Variants in NDRG3 observed in about 807,000 individuals in gnomAD.
NDRG3 encodes NDRG family member 3.
In NDRG3, 23 loss-of-function variants were observed where a neutral mutation model predicts 57.2. That is an observed-to-expected ratio of 0.40 (90% CI 0.29 to 0.57). NDRG3 has a LOEUF of 0.57. Among genes scored for constraint, NDRG3 ranks in the 20% least tolerant of loss-of-function variants. The probability of loss-of-function intolerance (pLI) is 0.42; values close to 1 mark genes in which losing one functional copy is unlikely to be tolerated. For missense variants in NDRG3, 384 were observed against 457.3 expected, an observed-to-expected ratio of 0.84 and a Z score of 1.46; for synonymous variants, 132 against 162.6, an observed-to-expected ratio of 0.81 and a Z score of 1.43.
intron 9 of NDRG3, 141 bp downstream of exon 9, chr20:36,671,200 C>A (rs1980120409): frequency 1.5e-6 from 1 of 672,700 alleles, no homozygotes; most frequent in Non-Finnish European, 2.6e-6. Flanking sequence ...CTTTGCAGGG[C>A]CACATGCCTT....
intron 2 of NDRG3, among the ~76,000 whole-genome samples, chr20:36,719,383 C>T (rs574952188): frequency 2.7e-5 from 4 of 147,830 alleles, no homozygotes; most frequent in Non-Finnish European, 4.4e-5. Context: ...GCCAAGATCA[C>T]GCCACTGCAC....
At chr20:36,678,536 C>G (rs145797258) in intron 8 of NDRG3, among the ~76,000 whole-genome samples, 8 of 152,190 alleles carry the variant, frequency 5.3e-5, no homozygotes, top group Admixed American at 5.2e-4. Context: ...CAAAAATGAG[C>G]CAGGCATGGT....
At chr20:36,655,531 C>T (rs1334536030) in intron 15 of NDRG3, among the ~76,000 whole-genome samples, 1 of 152,256 alleles carries the variant, frequency 6.6e-6, no homozygotes, top group Non-Finnish European at 1.5e-5. Context: ...CTAAAACACT[C>T]TCCAAGTTCG....
intron 2 of NDRG3, among the ~76,000 whole-genome samples, chr20:36,710,818 A>G (rs892424693): frequency 3.3e-5 from 5 of 151,002 alleles, no homozygotes; most frequent in Admixed American, 6.6e-5. Context: ...GTCTCAAAAA[A>G]AAAAAAAAAA....
At chr20:36,730,397 A>G (rs533749408) in intron 1 of NDRG3, among the ~76,000 whole-genome samples, 1 of 152,134 alleles carries the variant, frequency 6.6e-6, no homozygotes, top group South Asian at 2.1e-4. Flanking sequence ...TAAGGACTAC[A>G]GACATATACC....
intron 8 of NDRG3, among the ~76,000 whole-genome samples, 166 bp from the exon 9 acceptor site, chr20:36,671,563 G>T (rs1245361084): frequency 3.9e-5 from 6 of 152,190 alleles, no homozygotes; most frequent in Non-Finnish European, 8.8e-5. Flanking sequence ...AGGACTTTGG[G>T]AGGCTGAGGC....
Position 36,746,079 on chromosome 20 carries a change from A to AGCGGCAGCAGCG in NDRG3, c.-84_-83insCGCTGCTGCCGC, listed in dbSNP as rs1555809913. On this transcript the variant is annotated 5_prime_UTR_variant, in exon 1 of 16. Transcript: ENST00000349004. ...GGGCACCCGCCGTCAGTGCAGCAGC[A>AGCGGCAGCAGCG]GCGGCGGCGGCGGCGGCGGCGGCGG... is the stretch of plus-strand genomic sequence containing the variant. 4.1e-6 allele frequency: 1 copy of AGCGGCAGCAGCG among 244,590 alleles called. No individual in the cohort carries two copies. Among genetic ancestry groups the AGCGGCAGCAGCG allele is most frequent in the African/African-American group, 2.3e-5 (1 of 42,640 alleles). 15.2% of individuals were successfully genotyped at this position (244,590 alleles called of 1,614,324 possible). A position where few individuals can be genotyped will look rare whatever the true frequency, so the allele number is the denominator to read the frequency against.
intron 8 of NDRG3, among the ~76,000 whole-genome samples, chr20:36,676,460 T>G (rs1232681337): frequency 1.3e-5 from 2 of 151,824 alleles, no homozygotes; most frequent in African/African-American, 2.4e-5. Context: ...TTTGTTTGTT[T>G]TTTGTTTTGT....
At chr20:36,657,235 C>T (rs1029242576) in intron 13 of NDRG3, among the ~76,000 whole-genome samples, 2 of 151,954 alleles carry the variant, frequency 1.3e-5, no homozygotes, top group Non-Finnish European at 2.9e-5. Context: ...ACCTGTAATC[C>T]CAGCACCTTG....
At chr20:36,670,265 G>GT (rs1291686206) in intron 9 of NDRG3, among the ~76,000 whole-genome samples, 2 of 151,998 alleles carry the variant, frequency 1.3e-5, no homozygotes, top group South Asian at 2.1e-4. Flanking sequence ...GCATTACACT[G>GT]TAAGTATTAC....
At chr20:36,693,309 G>A (rs555952200) in intron 3 of NDRG3, among the ~76,000 whole-genome samples, 3 of 149,072 alleles carry the variant, frequency 2.0e-5, no homozygotes, top group Admixed American at 6.8e-5. Flanking sequence ...AGAGATGTAC[G>A]GGTGACCCTC....
intron 8 of NDRG3, among the ~76,000 whole-genome samples, chr20:36,673,392 T>A (rs995136230): frequency 3.3e-5 from 5 of 151,848 alleles, no homozygotes; most frequent in Admixed American, 2.6e-4. Context: ...ACAAAAGACA[T>A]CATTTGTTTG....
chr20:36,731,578 C>T lies in NDRG3; in HGVS notation c.-48-9795G>A, dbSNP rs369391812. On this transcript the variant is annotated intron_variant, in intron 1 of 15. Coordinates refer to ENST00000349004, the MANE Select transcript of NDRG3 (RefSeq NM_032013.4). ...ATCCCAGCACTTTGGGAGGCCGAGG[C>T]GAGTGGATCACAAGGTCAGGAGATC... is the stretch of plus-strand genomic sequence containing the variant. 5.3e-5 allele frequency among the ~76,000 whole-genome samples: 8 copies of T among 150,932 alleles called. No homozygotes were observed. In the South Asian group the frequency reaches 8.4e-4, roughly 16 times the overall value.
intron 3 of NDRG3, among the ~76,000 whole-genome samples, chr20:36,692,058 G>C (rs138567125): frequency 6.6e-6 from 1 of 152,204 alleles, no homozygotes; most frequent in Admixed American, 6.5e-5. Flanking sequence ...CGATAGAAAA[G>C]TAAGAAGACA....
At chr20:36,727,351 CTGGGATTA>C (rs942199859) in intron 1 of NDRG3, among the ~76,000 whole-genome samples, 8 of 151,962 alleles carry the variant, frequency 5.3e-5, no homozygotes, top group Non-Finnish European at 4.4e-5. Flanking sequence ...TCCCGAGTAG[CTGGGATTA>C]CAGGCATCTG....
intron 8 of NDRG3, 60 bp downstream of exon 8, chr20:36,680,756 T>G (rs901114011): frequency 8.2e-6 from 11 of 1,346,934 alleles, no homozygotes; most frequent in Non-Finnish European, 1.2e-5. Flanking sequence ...AATGAAAAAC[T>G]GGTAAGCTGT....
At chr20:36,698,461 G>T (rs1278248230) in intron 3 of NDRG3, among the ~76,000 whole-genome samples, 1 of 151,968 alleles carries the variant, frequency 6.6e-6, no homozygotes, top group Non-Finnish European at 1.5e-5. Context: ...GCCTGGTGGT[G>T]CATGCCTGTG....
At chr20:36,676,850 C>A (rs951738798) in intron 8 of NDRG3, among the ~76,000 whole-genome samples, 2 of 152,250 alleles carry the variant, frequency 1.3e-5, no homozygotes, top group African/African-American at 4.8e-5. Flanking sequence ...GGGCTGCACA[C>A]GCCATGGAGC....
chr20:36,686,197 C>G (rs1981774156), intron 5 of NDRG3, among the ~76,000 whole-genome samples: 1 of 152,146 alleles, frequency 6.6e-6, no homozygotes, highest in Non-Finnish European at 1.5e-5. Context: ...GGATACAAAT[C>G]TTGTTGGATA....
Sources: allele counts gnomAD v4.1 joint callset (sites outside exome capture counted in the v4.1 genomes callset), GRCh38; gene constraint gnomAD v4.1.1; transcripts MANE v1.5; gene names NCBI Gene and HGNC (gene_info 2026-07-23, HGNC 2026-07-21).